The following SLC9A9 variants were observed in gnomAD, a reference collection of about 807,000 sequenced individuals.
SLC9A9 encodes sodium/hydrogen exchanger 9.
SLC9A9 carries 62 observed loss-of-function variants against 77.8 expected under a neutral mutation model. The observed-to-expected ratio is 0.80, with a 90% CI of 0.65 to 0.98. The LOEUF is 0.98. Among genes scored for constraint, SLC9A9 ranks in the 50% least tolerant of loss-of-function variants. The pLI is 0.00. For synonymous variants in SLC9A9, 320 were observed against 283.5 expected (o/e 1.13, Z -1.29); for missense variants, 775 against 774.9 (o/e 1.00, Z 0.00).
At chr3:143,719,633 C>A (rs138560089) in intron 4 of SLC9A9, among the ~76,000 whole-genome samples, 5 of 152,172 alleles carry the variant, frequency 3.3e-5, no homozygotes, top group Non-Finnish European at 5.9e-5. Context: ...ATATCTTCAA[C>A]GCCTAGGTCA....
At chr3:143,470,732 C>T (rs1023100374) in intron 11 of SLC9A9, among the ~76,000 whole-genome samples, 1 of 152,048 alleles carries the variant, frequency 6.6e-6, no homozygotes, top group African/African-American at 2.4e-5. Flanking sequence ...TGCCTAGTAT[C>T]AACTATTTCA....
At chr3:143,418,410 C>T (rs2034236566) in intron 12 of SLC9A9, among the ~76,000 whole-genome samples, 1 of 151,916 alleles carries the variant, frequency 6.6e-6, no homozygotes, top group Non-Finnish European at 1.5e-5. Context: ...GCAGGTGATC[C>T]GAGGCAGTTT....
chr3:143,365,625 C>T (rs967873826), intron 13 of SLC9A9, among the ~76,000 whole-genome samples: 20 of 152,286 alleles, frequency 1.3e-4, no homozygotes, highest in Middle Eastern at 3.4e-3. Flanking sequence ...GGCCGGAGTG[C>T]CATGCCTTGT....
intron 9 of SLC9A9, among the ~76,000 whole-genome samples, chr3:143,520,455 T>C (rs550135028): frequency 5.1e-4 from 77 of 152,332 alleles, no homozygotes; most frequent in African/African-American, 1.7e-3. Flanking sequence ...ATTTAGAGTA[T>C]AGAAATGTAA....
At chr3:143,427,523 C>G (rs2034429650) in intron 12 of SLC9A9, among the ~76,000 whole-genome samples, 1 of 152,146 alleles carries the variant, frequency 6.6e-6, no homozygotes, top group Non-Finnish European at 1.5e-5. Flanking sequence ...TGAGTCAACT[C>G]ACAAGAAAAG....
chr3:143,571,918 T>C (rs1044559921), intron 8 of SLC9A9, among the ~76,000 whole-genome samples: 2 of 152,236 alleles, frequency 1.3e-5, no homozygotes, highest in Admixed American at 1.3e-4. Flanking sequence ...GCGGTCTTGG[T>C]CTTTGGCAAT....
chr3:143,289,067 T>A (rs1209199948), intron 14 of SLC9A9, among the ~76,000 whole-genome samples: 1 of 152,156 alleles, frequency 6.6e-6, no homozygotes, highest in East Asian at 1.9e-4. Flanking sequence ...TTTAAACCCA[T>A]TTTAGCCTGA....
chr3:143,450,991 T>A (rs994307581), intron 12 of SLC9A9, among the ~76,000 whole-genome samples: 1 of 152,054 alleles, frequency 6.6e-6, no homozygotes, highest in African/African-American at 2.4e-5. Flanking sequence ...GGACATGAAG[T>A]GACCCCTAAT....
At chr3:143,721,568 T>C (rs72993523) in intron 4 of SLC9A9, among the ~76,000 whole-genome samples, 4,664 of 152,124 alleles carry the variant, frequency 0.031, 228 homozygotes, top group African/African-American at 0.11. Context: ...TGAGCCCTGA[T>C]AGTCCTCCCC....
intron 2 of SLC9A9, among the ~76,000 whole-genome samples, chr3:143,802,972 G>T (rs189637204): frequency 1.3e-5 from 2 of 152,030 alleles, no homozygotes; most frequent in Non-Finnish European, 1.5e-5. Context: ...CAGGAAATTC[G>T]CCAGGCTGCT....
At chr3:143,637,695 T>C (rs1362145579) in intron 6 of SLC9A9, among the ~76,000 whole-genome samples, 1 of 152,220 alleles carries the variant, frequency 6.6e-6, no homozygotes, top group East Asian at 1.9e-4. Context: ...TTTTATTTTT[T>C]AAAGGTGAGA....
chr3:143,357,112 A>C (rs1367611492), intron 14 of SLC9A9, among the ~76,000 whole-genome samples: 1 of 152,182 alleles, frequency 6.6e-6, no homozygotes, highest in African/African-American at 2.4e-5. Flanking sequence ...AGCCTTTAGG[A>C]AGCTGATTGC....
chr3:143,363,465 C>A lies in SLC9A9; in HGVS notation c.1604+19G>T. ...CTGCCTGCAGCAGGATCTGTGAGAT[C>A]GTTATTATCAAAGGATACTTGTGGT... On this transcript the variant is annotated intron_variant, in intron 14 of 15. Coordinates refer to ENST00000316549, the MANE Select transcript of SLC9A9 (RefSeq NM_173653.4). The A allele has an allele frequency of 1.2e-6, 2 of 1,607,554 alleles. No homozygotes were observed. The highest frequency in any genetic ancestry group is 1.7e-6 in the Non-Finnish European group (2 of 1,174,562).
At chr3:143,306,505 A>G (rs762183467) in intron 14 of SLC9A9, among the ~76,000 whole-genome samples, 3 of 152,248 alleles carry the variant, frequency 2.0e-5, no homozygotes, top group Non-Finnish European at 2.9e-5. Context: ...GTTTATTCTT[A>G]TATCTTTAAA....
intron 8 of SLC9A9, among the ~76,000 whole-genome samples, chr3:143,556,000 CT>C (rs1455219149): frequency 3.3e-5 from 5 of 152,210 alleles, no homozygotes; most frequent in Non-Finnish European, 7.3e-5. Context: ...ACACAAATTA[CT>C]GTAATTAGTA....
intron 12 of SLC9A9, among the ~76,000 whole-genome samples, chr3:143,463,740 C>T (rs1456414660): frequency 6.6e-6 from 1 of 152,118 alleles, no homozygotes; most frequent in East Asian, 1.9e-4. Flanking sequence ...GCATTACAAA[C>T]ATTTTATGAT....
intron 8 of SLC9A9, among the ~76,000 whole-genome samples, chr3:143,565,167 C>G (rs2037148522): frequency 6.6e-6 from 1 of 152,188 alleles, no homozygotes; most frequent in African/African-American, 2.4e-5. Context: ...TCTGAAGGTC[C>G]TGGAATGAAC....
At chr3:143,792,066 T>C (rs960364323) in intron 4 of SLC9A9, among the ~76,000 whole-genome samples, 4 of 152,222 alleles carry the variant, frequency 2.6e-5, no homozygotes, top group Admixed American at 2.6e-4. Flanking sequence ...TTACTCTTTT[T>C]AAACCTCAGT....
chr3:143,763,012 C>G (rs554572264), intron 4 of SLC9A9, among the ~76,000 whole-genome samples: 1 of 152,220 alleles, frequency 6.6e-6, no homozygotes, highest in South Asian at 2.1e-4. Flanking sequence ...GGCCTTTGGA[C>G]TCCATTTGTG....
Sources: gnomAD v4.1 joint callset for allele counts (sites outside exome capture counted in the v4.1 genomes callset) on GRCh38, gnomAD v4.1.1 for gene constraint, MANE v1.5 for transcripts, NCBI Gene and HGNC (gene_info 2026-07-23, HGNC 2026-07-21) for gene names.